MED24: variants seen among roughly 807,000 people sequenced by gnomAD.
MED24 encodes the protein mediator complex subunit 24, also known as mediator of RNA polymerase II transcription subunit 24.
Under a neutral mutation model 118.8 loss-of-function variants are expected in MED24, and 74 were observed. That is an observed-to-expected ratio of 0.62 (90% CI 0.52 to 0.76). MED24 has a LOEUF of 0.76. Ranked by LOEUF, MED24 falls within the 30% of genes least tolerant of loss-of-function variation. The pLI is 0.00. For synonymous variants in MED24, 521 were observed against 523.9 expected, an observed-to-expected ratio of 0.99 and a Z score of 0.08; for missense variants, 1,041 against 1,278.9, an observed-to-expected ratio of 0.81 and a Z score of 2.84.
chr17:40,027,316 G>A (rs926008551), intron 16 of MED24, 67 bp downstream of exon 16: 111 of 1,498,244 alleles, frequency 7.4e-5, no homozygotes, highest in Non-Finnish European at 9.2e-5. Context: ...CGCAGGCAGT[G>A]AGGTGGGGAG....
chr17:40,047,501 A>G (rs986656690), intron 3 of MED24, among the ~76,000 whole-genome samples: 10 of 151,910 alleles, frequency 6.6e-5, no homozygotes, highest in Non-Finnish European at 1.5e-5. Context: ...CTCTACTAAA[A>G]ATACAAAAAA....
chr17:40,041,248 T>C (rs746525255), intron 3 of MED24, among the ~76,000 whole-genome samples: 6 of 152,142 alleles, frequency 3.9e-5, no homozygotes, highest in Non-Finnish European at 7.4e-5. Flanking sequence ...CCTTGAAACA[T>C]TCCCTCACCC....
At chr17:40,049,526 TTTTA>T (rs1056183774) in intron 3 of MED24, among the ~76,000 whole-genome samples, 1 of 152,102 alleles carries the variant, frequency 6.6e-6, no homozygotes, top group African/African-American at 2.4e-5. Flanking sequence ...TATTTTTTAA[TTTTA>T]TTTATTTTAC....
intron 14 of MED24, 44 bp from the exon 15 acceptor site, chr17:40,027,990 G>T: frequency 6.2e-7 from 1 of 1,601,238 alleles, no homozygotes; most frequent in South Asian, 1.1e-5. Context: ...GGCATGAGCT[G>T]AGCAGTAGCT....
chr17:40,046,068 C>G (rs1439268654), intron 3 of MED24, among the ~76,000 whole-genome samples: 1 of 150,366 alleles, frequency 6.7e-6, no homozygotes, highest in South Asian at 2.1e-4. Context: ...TGAGCCATCA[C>G]GCCCAGCCTC....
chr17:40,052,017 A>G lies in MED24; in HGVS notation c.213+1281T>C, dbSNP rs117175271. On this transcript the variant is annotated intron_variant, in intron 3 of 25. Coordinates refer to ENST00000394128, the MANE Select transcript of MED24 (RefSeq NM_014815.4). ...GCACATTTACGGTAGGTAGATGGCC[A>G]GGCACGGTGGCTCACACCTGTAATC... 3.0e-3 allele frequency among the ~76,000 whole-genome samples: 447 copies of G among 151,038 alleles called. 5 individuals are homozygous for G. The East Asian group carries it at 0.03, about 10-fold the overall frequency.
In MED24 at chr17:40,035,160, G is replaced by A. The variant is rs751309369; in HGVS notation, c.516C>T (p.Thr172=). The change falls in exon 6 of 26, where the codon ACC becomes ACT. Residue 172 remains threonine (T), a synonymous_variant. Transcript: ENST00000394128. The part of the protein sequence containing the change: ...LQRLEKTLSS[T]KNRALLHIAK... ...CGATGTGCAGCAGGGCCCGGTTCTT[G>A]GTGCTGCTGAGGGTTTTCTCCAGGC... 6.2e-7 allele frequency: 1 copy of A among 1,614,144 alleles called. No individual in the cohort carries two copies. Among genetic ancestry groups the A allele is most frequent in the Non-Finnish European group, 8.5e-7 (1 of 1,180,024 alleles).
intron 4 of MED24, 28 bp from the exon 5 acceptor site, chr17:40,035,823 G>A (rs746607006): frequency 1.0e-5 from 16 of 1,600,804 alleles, no homozygotes; most frequent in African/African-American, 4.0e-5. Context: ...GAGATGCTAC[G>A]GAATGCCTCC....
At chr17:40,032,870 C>G in intron 8 of MED24, 108 bp from the exon 9 acceptor site, 1 of 1,328,698 alleles carries the variant, frequency 7.5e-7, no homozygotes, top group Admixed American at 1.9e-5. Flanking sequence ...AGAGTCACTG[C>G]TCAGCTATGT....
At chr17:40,053,408 G>C in intron 2 of MED24, 28 bp from the exon 3 acceptor site, 1 of 1,613,284 alleles carries the variant, frequency 6.2e-7, no homozygotes. Context: ...AAACACAACT[G>C]AGTGATTACA....
chr17:40,044,607 C>T (rs1340716439), intron 3 of MED24, among the ~76,000 whole-genome samples: 1 of 151,914 alleles, frequency 6.6e-6, no homozygotes, highest in Middle Eastern at 3.2e-3. Context: ...TCTGGCCAGG[C>T]GCGGTGGCTC....
In MED24 at chr17:40,032,042, C is replaced by A; in HGVS notation, c.984+1G>T. 1 of 1,613,718 alleles carries A rather than the reference C, an allele frequency of 6.2e-7. No individual in the cohort carries two copies. Among genetic ancestry groups the A allele is most frequent in the Middle Eastern group, 1.7e-4 (1 of 6,056 alleles). The stretch of plus-strand genomic sequence containing the variant: ...TGCCTCCATCTCAATCCCCAACTCA[C>A]CTTGTCTCCATGAGAGTACTTCTTC... On this transcript the variant is annotated splice_donor_variant, in intron 10 of 25. Coordinates refer to ENST00000394128, the MANE Select transcript of MED24 (RefSeq NM_014815.4). LOFTEE classifies it high-confidence loss of function.
At chr17:40,040,704 C>T (rs11655655) in intron 3 of MED24, among the ~76,000 whole-genome samples, 44,055 of 151,336 alleles carry the variant, frequency 0.29, 7,896 homozygotes, top group South Asian at 0.46. Flanking sequence ...CTGCAACCTC[C>T]ACCTCCCAGG....
At chr17:40,020,709 G>A (rs1400316045) in intron 23 of MED24, 1 of 361,362 alleles carries the variant, frequency 2.8e-6, no homozygotes, top group African/African-American at 2.1e-5. Flanking sequence ...TTGAGCCTAG[G>A]AGAACAAGGC....
chr17:40,027,538 G>A (rs1013332756), intron 15 of MED24, 73 bp from the exon 16 acceptor site: 64 of 1,443,764 alleles, frequency 4.4e-5, no homozygotes, highest in South Asian at 3.8e-4. Flanking sequence ...GACAGGGATC[G>A]GGATTTGCCT....
intron 3 of MED24, among the ~76,000 whole-genome samples, chr17:40,045,864 G>A (rs1205972491): frequency 6.6e-6 from 1 of 152,020 alleles, no homozygotes; most frequent in Admixed American, 6.6e-5. Context: ...TCCAACCTCC[G>A]CCTCCTGGGT....
intron 3 of MED24, among the ~76,000 whole-genome samples, chr17:40,051,475 A>C (rs888934021): frequency 1.3e-5 from 2 of 150,602 alleles, no homozygotes; most frequent in Non-Finnish European, 3.0e-5. Flanking sequence ...TTAGCTGGGC[A>C]TAGTGGCACA....
In MED24 at chr17:40,032,709, C is replaced by A. The variant is rs1234662037; in HGVS notation, c.876G>T (p.Gly292=). 6 of 1,613,932 alleles carry A rather than the reference C, an allele frequency of 3.7e-6. No homozygotes were observed. Among genetic ancestry groups the A allele is most frequent in the Non-Finnish European group, 5.1e-6 (6 of 1,179,998 alleles). ...VLEIWKACFV[G]LIESPEGTEE... is the part of the protein sequence containing the mutation. ...CCGTACCCTCGGGAGACTCAATGAG[C>A]CCCACGAAGCAAGCTTTCCAGATCT... The change falls in exon 9 of 26, where the codon GGG becomes GGT. Residue 292 remains glycine (G), a synonymous_variant. Transcript: ENST00000394128.
intron 3 of MED24, among the ~76,000 whole-genome samples, chr17:40,041,560 CCT>C (rs1165706455): frequency 6.6e-6 from 1 of 152,162 alleles, no homozygotes; most frequent in East Asian, 1.9e-4. Context: ...TACCGAGTAT[CCT>C]CTTTTTGATA....
Sources: allele counts gnomAD v4.1 joint callset (sites outside exome capture counted in the v4.1 genomes callset), GRCh38; gene constraint gnomAD v4.1.1; transcripts MANE v1.5; gene names NCBI Gene and HGNC (gene_info 2026-07-23, HGNC 2026-07-21).